DIS3L2: variants seen among roughly 807,000 people sequenced by gnomAD.
DIS3L2 encodes the protein DIS3 like 3'-5' exoribonuclease 2.
In DIS3L2, 34 loss-of-function variants were observed where a neutral mutation model predicts 97.5. That is an observed-to-expected ratio of 0.35 (90% CI 0.27 to 0.46). The LOEUF (loss-of-function observed/expected upper bound fraction) is 0.46. Ranked by LOEUF, DIS3L2 falls within the 20% of genes least tolerant of loss-of-function variation. DIS3L2 has a pLI of 1.00. For synonymous variants in DIS3L2, 435 were observed against 445.2 expected (o/e 0.98, Z 0.29); for missense variants, 1,038 against 1,146.0 (o/e 0.91, Z 1.36).
intron 9 of DIS3L2, among the ~76,000 whole-genome samples, chr2:232,209,209 A>T (rs1358568516): frequency 6.6e-6 from 1 of 152,070 alleles, no homozygotes; most frequent in Non-Finnish European, 1.5e-5. Context: ...GACAGTTAAG[A>T]GTCGGATAGA....
chr2:232,084,206 T>C (rs951610694), intron 5 of DIS3L2, among the ~76,000 whole-genome samples: 9 of 152,196 alleles, frequency 5.9e-5, no homozygotes, highest in Non-Finnish European at 8.8e-5. Context: ...ACAAGGCTTA[T>C]GTGGTAAAGC....
intron 7 of DIS3L2, chr2:232,131,668 G>C (rs114310921): frequency 6.6e-6 from 1 of 152,058 alleles, no homozygotes; most frequent in Non-Finnish European, 1.5e-5. Flanking sequence ...ATGGCATGAG[G>C]CTTTATGTTT....
chr2:232,200,925 A>C (rs1574941998), intron 9 of DIS3L2, among the ~76,000 whole-genome samples: 1 of 152,060 alleles, frequency 6.6e-6, no homozygotes, highest in East Asian at 1.9e-4. Flanking sequence ...CTGGGATTAC[A>C]GGTGCCGACC....
chr2:232,270,908 C>G lies in DIS3L2; in HGVS notation c.1659+7468C>G, dbSNP rs1197920258. On this transcript the variant is annotated intron_variant, in intron 13 of 20. Transcript: ENST00000325385. ...TCTCTCTCTCTCTCTCTCTCTCTCT[C>G]TCTCTCTGTCTCGTCTCTCTCTCTC... Among the ~76,000 whole-genome samples, 1,146 of 130,620 alleles carry G rather than the reference C, an allele frequency of 8.8e-3. 13 individuals are homozygous for G. Among genetic ancestry groups the G allele is most frequent in the African/African-American group, 0.03 (1,052 of 35,140 alleles). The allele number at this position is 130,620 out of a possible 152,430, so 85.7% of individuals were successfully genotyped here.
At chr2:232,012,178 A>G (rs1386068902) in intron 1 of DIS3L2, among the ~76,000 whole-genome samples, 2 of 152,160 alleles carry the variant, frequency 1.3e-5, no homozygotes, top group African/African-American at 4.8e-5. Flanking sequence ...TTGCTTGTTC[A>G]TGAAAACAAA....
At chr2:232,091,224 T>A (rs1696828669) in intron 6 of DIS3L2, among the ~76,000 whole-genome samples, 1 of 152,222 alleles carries the variant, frequency 6.6e-6, no homozygotes, top group South Asian at 2.1e-4. Context: ...TGTTCAGCTG[T>A]TGTGCTAGGA....
chr2:232,263,670 C>A (rs532001651), intron 13 of DIS3L2, among the ~76,000 whole-genome samples: 20 of 152,232 alleles, frequency 1.3e-4, no homozygotes, highest in Admixed American at 1.3e-3. Flanking sequence ...GTACACGAGG[C>A]CTAATGACAT....
intron 12 of DIS3L2, among the ~76,000 whole-genome samples, chr2:232,256,729 T>C (rs1007923819): frequency 6.6e-6 from 1 of 152,200 alleles, no homozygotes; most frequent in African/African-American, 2.4e-5. Flanking sequence ...TCTCTCTGCC[T>C]TGCCGCTACT....
intron 1 of DIS3L2, among the ~76,000 whole-genome samples, chr2:231,976,628 CAA>C (rs763912124): frequency 8.2e-5 from 10 of 122,440 alleles, no homozygotes; most frequent in East Asian, 2.4e-4. Context: ...GACCCTCTCT[CAA>C]AAAAAAAAAA....
intron 3 of DIS3L2, 140 bp from the exon 4 acceptor site, chr2:232,024,137 T>G (rs746022876): frequency 2.2e-5 from 12 of 555,820 alleles, no homozygotes; most frequent in Middle Eastern, 4.6e-4. Context: ...TTCCTGCATT[T>G]AATGAATATT....
rs2106281153 is a variant in DIS3L2, at chr2:232,263,320, G to GC, written c.1545dup (p.Ile516HisfsTer6). 6 of 1,614,182 alleles carry GC rather than the reference G, an allele frequency of 3.7e-6. No individual in the cohort carries two copies. Among genetic ancestry groups the GC allele is most frequent in the Non-Finnish European group, 5.1e-6 (6 of 1,180,036 alleles). ...CTGAGAAAATCCCTGCGAAAGAGCT[G>GC]CCCCCCATTTCCCCAGAGCATAGCA... is the stretch of plus-strand genomic sequence containing the variant. On this transcript the variant is annotated frameshift_variant, in exon 13 of 21. Transcript: ENST00000325385. LOFTEE classifies it high-confidence loss of function.
At chr2:232,096,035 C>G (rs1696998905) in intron 6 of DIS3L2, among the ~76,000 whole-genome samples, 1 of 147,098 alleles carries the variant, frequency 6.8e-6, no homozygotes, top group African/African-American at 2.5e-5. Context: ...AGGATCCTTT[C>G]TTTATCCCTG....
intron 12 of DIS3L2, among the ~76,000 whole-genome samples, chr2:232,251,936 A>G (rs1693429509): frequency 6.6e-6 from 1 of 152,222 alleles, no homozygotes; most frequent in Non-Finnish European, 1.5e-5. Flanking sequence ...TGCTTCACCA[A>G]AATGAAGGAG....
intron 20 of DIS3L2, chr2:232,336,089 A>G: frequency 6.5e-7 from 1 of 1,543,076 alleles, no homozygotes; most frequent in Non-Finnish European, 8.7e-7. Flanking sequence ...ACCACAGTGG[A>G]GAGAGGAGGG....
At position 232,072,421 on chromosome 2, in the gene DIS3L2, G is replaced by C. The variant is rs554207174; in HGVS notation, c.367-15066G>C. Among the ~76,000 whole-genome samples, 7 of 152,238 alleles carry C rather than the reference G, an allele frequency of 4.6e-5. No homozygotes were observed. The South Asian group carries it at 1.4e-3, about 32-fold the overall frequency. On this transcript the variant is annotated intron_variant, in intron 5 of 20. Coordinates refer to ENST00000325385, the MANE Select transcript of DIS3L2 (RefSeq NM_152383.5). ...TGGAGATCTTGGGGAATGGCAGTGC[G>C]TTCCTAGTGTGCTCAAGGAATAGCA...
At chr2:232,336,293 A>T in intron 20 of DIS3L2, 176 bp from the exon 21 acceptor site, 1 of 1,546,396 alleles carries the variant, frequency 6.5e-7, no homozygotes, top group Non-Finnish European at 8.7e-7. Flanking sequence ...TGACTCCCCA[A>T]CTCTGCCCTG....
chr2:232,183,101 C>A (rs1401749960), intron 9 of DIS3L2, among the ~76,000 whole-genome samples: 1 of 152,280 alleles, frequency 6.6e-6, no homozygotes, highest in East Asian at 1.9e-4. Context: ...AGAAACCTCA[C>A]CCCTTTCACC....
chr2:232,127,217 A>C (rs1023610575), intron 6 of DIS3L2, among the ~76,000 whole-genome samples: 3 of 152,118 alleles, frequency 2.0e-5, no homozygotes, highest in African/African-American at 7.2e-5. Context: ...TTCATTTTGA[A>C]TTGCTTACTC....
chr2:232,333,703 G>GC, intron 16 of DIS3L2, 137 bp from the exon 17 acceptor site: 2 of 1,323,220 alleles, frequency 1.5e-6, no homozygotes, highest in South Asian at 3.2e-5. Context: ...GTCCTCCCTG[G>GC]CGTCACTCAG....
Sources: gnomAD v4.1 joint callset for allele counts (sites outside exome capture counted in the v4.1 genomes callset) on GRCh38, gnomAD v4.1.1 for gene constraint, MANE v1.5 for transcripts, NCBI Gene and HGNC (gene_info 2026-07-23, HGNC 2026-07-21) for gene names.